Variants in FSD1 observed in about 807,000 individuals in gnomAD.
FSD1 encodes the protein fibronectin type III and SPRY domain-containing protein 1.
A neutral mutation model predicts 58.2 loss-of-function variants in FSD1; 23 were observed. That is an observed-to-expected ratio of 0.40 (90% confidence interval 0.28 to 0.56). The LOEUF (loss-of-function observed/expected upper bound fraction) is 0.56, where lower values mean the gene tolerates loss of function less well. Ranked by LOEUF, FSD1 falls within the 20% of genes least tolerant of loss-of-function variation. FSD1 has a pLI of 0.54. For missense variants in FSD1, 563 were observed against 670.8 expected (o/e 0.84, Z 1.78); for synonymous variants, 265 against 263.4 (o/e 1.01, Z -0.06).
At chr19:4,322,773 C>A (rs1353162808) in intron 10 of FSD1, among the ~76,000 whole-genome samples, 1 of 150,404 alleles carries the variant, frequency 6.6e-6, no homozygotes, top group Non-Finnish European at 1.5e-5. Flanking sequence ...TGAGGCGTAT[C>A]TGAAGGGAAT....
At chr19:4,317,644 CTAACTCCCT>C (rs1971769207) in intron 8 of FSD1, among the ~76,000 whole-genome samples, 2 of 152,216 alleles carry the variant, frequency 1.3e-5, no homozygotes, top group African/African-American at 4.8e-5. Flanking sequence ...GAAATCTAGC[CTAACTCCCT>C]TGTGCTGTAG....
At chr19:4,307,137 G>A (rs951884639) in intron 3 of FSD1, among the ~76,000 whole-genome samples, 1 of 151,908 alleles carries the variant, frequency 6.6e-6, no homozygotes, top group Admixed American at 6.6e-5. Context: ...TCACTGCAGC[G>A]TCCGCCTCCC....
At chr19:4,318,722 A>C in intron 9 of FSD1, 150 bp from the exon 10 acceptor site, 1 of 742,314 alleles carries the variant, frequency 1.3e-6, no homozygotes. Context: ...TGACATAAAC[A>C]TGAGGTGCTC....
At chr19:4,309,242 T>C (rs541790276) in intron 4 of FSD1, among the ~76,000 whole-genome samples, 101 of 151,524 alleles carry the variant, frequency 6.7e-4, no homozygotes, top group African/African-American at 2.1e-3. Context: ...AGCCAGACCT[T>C]GTCTCAAAAA....
chr19:4,305,349 C>T (rs1049636476), intron 1 of FSD1, among the ~76,000 whole-genome samples: 1 of 151,776 alleles, frequency 6.6e-6, no homozygotes, highest in Non-Finnish European at 1.5e-5. Flanking sequence ...ACCCCTGTTC[C>T]GAGGCTAGCC....
chr19:4,323,589 C>T lies in FSD1; in HGVS notation c.1437C>T (p.Arg479=). 1 of 1,613,390 alleles carries T rather than the reference C, an allele frequency of 6.2e-7. No individual in the cohort carries two copies. The highest frequency in any genetic ancestry group is 8.5e-7 in the Non-Finnish European group (1 of 1,179,776). Residue 479 remains arginine (R), a synonymous_variant, in exon 13 of 13, where the codon CGC becomes CGT. Coordinates refer to ENST00000221856, the MANE Select transcript of FSD1 (RefSeq NM_024333.3). This position sits in a 1 kb window ranked among gnomAD's most constrained non-coding sequence, Gnocchi z 7.7. ...TTGLQVPSAV[R]CLQKRGSATS... is the part of the protein sequence containing the mutation. Reference sequence around the variant, plus strand: ...GCCTGCAGGTCCCCAGTGCTGTGCGCTGCCTGCAAAAGCGAGGCAGTGCTA... The same window carrying T: ...GCCTGCAGGTCCCCAGTGCTGTGCGTTGCCTGCAAAAGCGAGGCAGTGCTA...
At position 4,323,494 on chromosome 19, in the gene FSD1, G is replaced by A. The variant is rs1445364116; in HGVS notation, c.1381-39G>A. 3 of 1,587,444 alleles carry A rather than the reference G, an allele frequency of 1.9e-6. No individual in the cohort carries two copies. Among genetic ancestry groups the A allele is most frequent in the Admixed American group, 3.4e-5 (2 of 59,328 alleles). On this transcript the variant is annotated intron_variant, in intron 12 of 12. Transcript: ENST00000221856. This position sits in a 1 kb window ranked among gnomAD's most constrained non-coding sequence, Gnocchi z 7.7. Reference sequence around the variant, plus strand: ...AGGGTGGTGCTGGGCGCTGGGGTTTGAAGCTGAGCCCCTCCCCCCTCCCCC... The same window carrying A: ...AGGGTGGTGCTGGGCGCTGGGGTTTAAAGCTGAGCCCCTCCCCCCTCCCCC...
At chr19:4,315,155 T>A (rs1971739304) in intron 7 of FSD1, among the ~76,000 whole-genome samples, 1 of 152,088 alleles carries the variant, frequency 6.6e-6, no homozygotes, top group African/African-American at 2.4e-5. Flanking sequence ...AGACAGAATC[T>A]CGCTCTGTCG....
intron 3 of FSD1, 92 bp downstream of exon 3, chr19:4,306,421 C>G (rs1388089194): frequency 2.2e-6 from 3 of 1,341,250 alleles, no homozygotes; most frequent in Non-Finnish European, 3.1e-6. Flanking sequence ...ACTGGGTGCT[C>G]TCGAGTTTCT....
intron 6 of FSD1, chr19:4,310,888 T>C: frequency 3.4e-6 from 1 of 295,942 alleles, no homozygotes; most frequent in African/African-American, 2.2e-5. Flanking sequence ...GGTTGAGTCC[T>C]CATGAGGCCC....
intron 6 of FSD1, 124 bp downstream of exon 6, chr19:4,310,720 G>A (rs1971680174): frequency 2.6e-6 from 3 of 1,172,806 alleles, no homozygotes; most frequent in Non-Finnish European, 3.6e-6. Flanking sequence ...TGGGGGAGGT[G>A]GAGCTCTGAG....
intron 10 of FSD1, among the ~76,000 whole-genome samples, chr19:4,321,500 G>A: frequency 6.7e-6 from 1 of 149,516 alleles, no homozygotes; most frequent in Admixed American, 6.6e-5. Flanking sequence ...TGGGGAAATA[G>A]CTGGGACTGA....
chr19:4,306,631 C>T (rs1460991792), intron 3 of FSD1, among the ~76,000 whole-genome samples: 1 of 152,038 alleles, frequency 6.6e-6, no homozygotes. Flanking sequence ...TCATGCTGGG[C>T]TAATTTTCGT....
rs1971735519 is a variant in FSD1 at position 4,323,767 on chromosome 19, A to G, written c.*124A>G. On this transcript the variant is annotated 3_prime_UTR_variant, in exon 13 of 13. Transcript: ENST00000221856. The surrounding 1 kb of genome is among the most constrained non-coding windows in gnomAD (Gnocchi z 7.7). ...AGCCTTAACTCCAGATGGGGGGGTC[A>G]CCAAGAGGGAGTGGGCACCCTGGCG... The G allele has an allele frequency of 2.9e-6, 2 of 691,712 alleles. No homozygotes were observed. The highest frequency in any genetic ancestry group is 5.5e-5 in the Admixed American group (2 of 36,336). The allele number at this position is 691,712 out of a possible 1,614,324, so 42.8% of individuals were successfully genotyped here.
intron 8 of FSD1, among the ~76,000 whole-genome samples, chr19:4,317,847 T>C (rs2144767118): frequency 6.6e-6 from 1 of 152,134 alleles, no homozygotes; most frequent in South Asian, 2.1e-4. Flanking sequence ...TGAAACCCCG[T>C]CTCTACTGAA....
At chr19:4,316,021 C>T (rs1971751724) in intron 7 of FSD1, among the ~76,000 whole-genome samples, 1 of 152,086 alleles carries the variant, frequency 6.6e-6, no homozygotes, top group Non-Finnish European at 1.5e-5. Flanking sequence ...CTGCCTCCAC[C>T]TCCCAGATGT....
rs1316041711 is a variant in FSD1 at position 4,323,218 on chromosome 19, G to A, written c.1272G>A (p.Val424=). Residue 424 remains valine (V), a synonymous_variant, in exon 11 of 13, where the codon GTG becomes GTA. Transcript: ENST00000221856. The surrounding 1 kb of genome is among the most constrained non-coding windows in gnomAD (Gnocchi z 7.7). ...LDAPVPDCLG[V]HCDFHQGLLS... ...CCCCCGTGCCCGACTGCCTGGGTGT[G>A]CACTGTGACTTCCACCAAGGTGACC... 1 of 1,605,260 alleles carries A rather than the reference G, an allele frequency of 6.2e-7. No individual in the cohort carries two copies. The highest frequency in any genetic ancestry group is 2.2e-5 in the East Asian group (1 of 44,860).
chr19:4,304,668 C>A lies in FSD1; in HGVS notation c.-79C>A. ...CGAGGGCTCGGCGGGCCATTGGCTA[C>A]CGGCCGCGGCAAAGGCAGCTTGGGG... On this transcript the variant is annotated 5_prime_UTR_variant, in exon 1 of 13. Coordinates refer to ENST00000221856, the MANE Select transcript of FSD1 (RefSeq NM_024333.3). The A allele has an allele frequency of 1.0e-6, 1 of 953,610 alleles. No homozygotes were observed. The highest frequency in any genetic ancestry group is 1.4e-6 in the Non-Finnish European group (1 of 735,460). 59.1% of individuals were successfully genotyped at this position (953,610 alleles called of 1,614,324 possible). A position where few individuals can be genotyped will look rare whatever the true frequency, so the allele number is the denominator to read the frequency against.
chr19:4,320,226 A>T (rs146914788), intron 10 of FSD1, among the ~76,000 whole-genome samples: 1 of 152,026 alleles, frequency 6.6e-6, no homozygotes, highest in East Asian at 1.9e-4. Context: ...TCTGGATAGA[A>T]TCTGGATTCA....
Sources: allele counts gnomAD v4.1 joint callset (sites outside exome capture counted in the v4.1 genomes callset), GRCh38; gene constraint gnomAD v4.1.1; non-coding constraint Gnocchi (gnomAD v3.1); transcripts MANE v1.5; gene names NCBI Gene and HGNC (gene_info 2026-07-23, HGNC 2026-07-21).